PLD5: variants seen among roughly 807,000 people sequenced by gnomAD.
PLD5 encodes the protein phospholipase D family member 5.
In PLD5, 36 loss-of-function variants were observed where a neutral mutation model predicts 61.1. The ratio of observed to expected loss-of-function variants is 0.59; its 90% CI spans 0.45 to 0.78. The LOEUF is 0.78. Ranked by LOEUF, PLD5 falls within the 30% of genes least tolerant of loss-of-function variation. The pLI is 0.00. For missense variants in PLD5, 515 were observed against 644.4 expected (o/e 0.80, Z 2.17); for synonymous variants, 243 against 242.8 (o/e 1.00, Z -0.01).
intron 5 of PLD5, among the ~76,000 whole-genome samples, chr1:242,173,985 T>C (rs1197817389): frequency 6.6e-6 from 1 of 152,196 alleles, no homozygotes; most frequent in Non-Finnish European, 1.5e-5. Flanking sequence ...GACATAGGCA[T>C]GGGCAAGAAC....
intron 2 of PLD5, among the ~76,000 whole-genome samples, chr1:242,337,627 G>A (rs150283419): frequency 6.4e-4 from 98 of 152,242 alleles, no homozygotes; most frequent in East Asian, 1.9e-3. Context: ...GCAAAACACC[G>A]TCTCAAATAA....
intron 3 of PLD5, among the ~76,000 whole-genome samples, chr1:242,278,600 A>G (rs1451270955): frequency 2.0e-5 from 3 of 152,208 alleles, no homozygotes; most frequent in Non-Finnish European, 4.4e-5. Context: ...TCAAAAGCAG[A>G]GGTAATCCTG....
At chr1:242,297,387 C>A (rs1402639700) in intron 2 of PLD5, among the ~76,000 whole-genome samples, 3 of 135,726 alleles carry the variant, frequency 2.2e-5, no homozygotes, top group Non-Finnish European at 4.6e-5. Flanking sequence ...CCCCCTTTTC[C>A]TATCACCCTT....
chr1:242,145,596 T>A (rs1255677169), intron 5 of PLD5, among the ~76,000 whole-genome samples: 3 of 151,926 alleles, frequency 2.0e-5, no homozygotes, highest in South Asian at 4.2e-4. Context: ...TGATAAGAAC[T>A]TTTTTTTAAT....
intron 1 of PLD5, among the ~76,000 whole-genome samples, chr1:242,380,439 T>C (rs1424734036): frequency 6.6e-6 from 1 of 152,206 alleles, no homozygotes; most frequent in Non-Finnish European, 1.5e-5. Flanking sequence ...TTTTCTGTAA[T>C]GGAAAATATT....
chr1:242,475,221 A>C (rs1667552564), intron 1 of PLD5, among the ~76,000 whole-genome samples: 1 of 152,220 alleles, frequency 6.6e-6, no homozygotes, highest in South Asian at 2.1e-4. Flanking sequence ...AGAGGGGAAA[A>C]GGAAGAGCAA....
intron 9 of PLD5, among the ~76,000 whole-genome samples, chr1:242,093,513 G>A (rs1272020909): frequency 1.3e-5 from 2 of 152,130 alleles, no homozygotes; most frequent in Non-Finnish European, 2.9e-5. Flanking sequence ...AAACGCCATC[G>A]TATTGATGAG....
intron 1 of PLD5, among the ~76,000 whole-genome samples, chr1:242,370,835 G>A (rs1170342013): frequency 2.0e-5 from 3 of 152,068 alleles, no homozygotes; most frequent in Non-Finnish European, 4.4e-5. Context: ...ATAAGGTGAG[G>A]GCTATTTTGG....
intron 1 of PLD5, among the ~76,000 whole-genome samples, chr1:242,367,358 C>T (rs1661401294): frequency 6.6e-6 from 1 of 152,154 alleles, no homozygotes; most frequent in South Asian, 2.1e-4. Context: ...GGAAAGAGCT[C>T]TGGAATGACT....
At chr1:242,152,074 A>G (rs1664970807) in intron 5 of PLD5, among the ~76,000 whole-genome samples, 2 of 152,136 alleles carry the variant, frequency 1.3e-5, no homozygotes, top group Non-Finnish European at 2.9e-5. Flanking sequence ...TTGTGGTTCA[A>G]AAGTTCAAGA....
At chr1:242,114,171 T>C (rs918491611) in intron 6 of PLD5, 145 bp from the exon 7 acceptor site, 25 of 890,714 alleles carry the variant, frequency 2.8e-5, no homozygotes, top group Non-Finnish European at 3.9e-5. Context: ...ACAAAGATAT[T>C]TTCAATCTTA....
rs1194915213 is a variant in PLD5 at position 242,132,197 on chromosome 1, G to C, written c.736-7532C>G. Among the ~76,000 whole-genome samples the C allele has an allele frequency of 6.1e-5, 6 of 97,982 alleles. 1 individual carries two copies. Among genetic ancestry groups the C allele is most frequent in the African/African-American group, 1.8e-4 (5 of 27,108 alleles). The allele number at this position is 97,982 out of a possible 152,430, so 64.3% of individuals were successfully genotyped here. The stretch of plus-strand genomic sequence containing the variant: ...CAAAGAGAATGCAGTGATTGCGGGG[G>C]GGGGGGGGGGCGGAATCATTTTTAG... On this transcript the variant is annotated intron_variant, in intron 5 of 9. Transcript: ENST00000536534.
chr1:242,378,400 G>A (rs141823230), intron 1 of PLD5, among the ~76,000 whole-genome samples: 3 of 152,282 alleles, frequency 2.0e-5, no homozygotes, highest in Non-Finnish European at 4.4e-5. Context: ...TAGAATTTCA[G>A]GTCTGCAAGA....
At chr1:242,365,307 C>G (rs1016309691) in intron 1 of PLD5, 11 of 154,096 alleles carry the variant, frequency 7.1e-5, no homozygotes, top group African/African-American at 2.7e-4. Flanking sequence ...GTTTGATGAA[C>G]TATGACCTCC....
At chr1:242,235,019 G>A (rs1671547510) in intron 4 of PLD5, among the ~76,000 whole-genome samples, 1 of 152,186 alleles carries the variant, frequency 6.6e-6, no homozygotes, top group African/African-American at 2.4e-5. Context: ...AAATAAGAGA[G>A]GAAGTATGTT....
At position 242,434,105 on chromosome 1, in the gene PLD5, G is replaced by C. The variant is rs1665866436; in HGVS notation, c.190-85863C>G. Among the ~76,000 whole-genome samples the C allele has an allele frequency of 2.6e-5, 4 of 152,222 alleles. No individual in the cohort carries two copies. In the South Asian group the frequency reaches 8.3e-4, roughly 31 times the overall value. On this transcript the variant is annotated intron_variant, in intron 1 of 9. Transcript: ENST00000536534. ...GAAGACTGATCATTCTGACCGCTAT[G>C]CTAAGAAGCTGCAGGCAGCAAGGCT...
intron 4 of PLD5, among the ~76,000 whole-genome samples, chr1:242,264,793 T>TA (rs948879322): frequency 7.2e-5 from 11 of 152,092 alleles, no homozygotes; most frequent in South Asian, 2.1e-4. Context: ...TATAGCAAAA[T>TA]AAAAAAAAGT....
chr1:242,417,202 G>A (rs1288635151), intron 1 of PLD5, among the ~76,000 whole-genome samples: 1 of 152,158 alleles, frequency 6.6e-6, no homozygotes, highest in Non-Finnish European at 1.5e-5. Context: ...GCAGACGGAA[G>A]AACAAGCTAT....
chr1:242,495,341 G>T (rs2102983365), intron 1 of PLD5, among the ~76,000 whole-genome samples: 1 of 152,154 alleles, frequency 6.6e-6, no homozygotes, highest in East Asian at 1.9e-4. Context: ...CCAGCAGGAG[G>T]TCCATTGATT....
Sources: gnomAD v4.1 joint callset for allele counts (sites outside exome capture counted in the v4.1 genomes callset) on GRCh38, gnomAD v4.1.1 for gene constraint, MANE v1.5 for transcripts, NCBI Gene and HGNC (gene_info 2026-07-23, HGNC 2026-07-21) for gene names.